Variants in PARN observed in about 807,000 individuals in gnomAD.
The protein encoded by PARN is poly(A)-specific ribonuclease.
A neutral mutation model predicts 102.8 loss-of-function variants in PARN; 71 were observed. The ratio of observed to expected loss-of-function variants is 0.69; its 90% CI spans 0.57 to 0.84. The LOEUF is 0.84. PARN is among the 40% of genes least tolerant of loss of function. The pLI, the probability that PARN is intolerant of heterozygous loss-of-function variation, is 0.00. For synonymous variants in PARN, 261 were observed against 252.9 expected (o/e 1.03, Z -0.30); for missense variants, 782 against 760.9 (o/e 1.03, Z -0.33).
At chr16:14,439,838 A>G (rs1025941180) in intron 23 of PARN, among the ~76,000 whole-genome samples, 1 of 151,794 alleles carries the variant, frequency 6.6e-6, no homozygotes, top group African/African-American at 2.4e-5. Flanking sequence ...ACATGGTAAA[A>G]CCCATCTCTA....
chr16:14,524,808 T>C (rs1270884151), intron 21 of PARN, among the ~76,000 whole-genome samples: 4 of 152,238 alleles, frequency 2.6e-5, no homozygotes, highest in African/African-American at 4.8e-5. Flanking sequence ...TCTATGTGTC[T>C]TTCCTTGTTC....
rs140264000 is a variant in PARN at position 14,611,738 on chromosome 16, G to A, written c.389-929C>T. 7.2e-5 allele frequency among the ~76,000 whole-genome samples: 11 copies of A among 152,212 alleles called. No individual in the cohort carries two copies. The East Asian group carries it at 1.2e-3, about 16-fold the overall frequency. ...GTATTTTCGGTAGAGACAGGGTTTC[G>A]CTATGTTGGCCAGGCTGGTTTCGAA... On this transcript the variant is annotated intron_variant, in intron 6 of 23. Coordinates refer to ENST00000437198, the MANE Select transcript of PARN (RefSeq NM_002582.4).
intron 21 of PARN, among the ~76,000 whole-genome samples, chr16:14,547,594 T>C (rs1261623118): frequency 6.6e-6 from 1 of 151,930 alleles, no homozygotes; most frequent in South Asian, 2.1e-4. Context: ...CCTATAGTCC[T>C]GGCTACTCAA....
chr16:14,559,266 G>C (rs1458643232), intron 18 of PARN, among the ~76,000 whole-genome samples: 2 of 150,826 alleles, frequency 1.3e-5, no homozygotes, highest in African/African-American at 2.4e-5. Flanking sequence ...TTTCCATTTA[G>C]ATGTTTTGAA....
rs539497567 is a variant in PARN, at chr16:14,477,333, C to T, written c.1670+5305G>A. 5.3e-5 allele frequency among the ~76,000 whole-genome samples: 8 copies of T among 151,578 alleles called. No homozygotes were observed. The East Asian group carries it at 1.4e-3, about 26-fold the overall frequency. ...GCACATGCCTATAATCCCAGCTACT[C>T]GGGAGCCTGAGGCAGGAGAATCTCC... On this transcript the variant is annotated intron_variant, in intron 22 of 23. Transcript: ENST00000437198.
chr16:14,620,975 T>C (rs1367197775), intron 5 of PARN, among the ~76,000 whole-genome samples: 5 of 152,214 alleles, frequency 3.3e-5, no homozygotes, highest in African/African-American at 1.2e-4. Context: ...ACCGTATATA[T>C]CTTTAATAAC....
chr16:14,487,762 A>G (rs928656165), intron 21 of PARN, among the ~76,000 whole-genome samples: 5 of 152,188 alleles, frequency 3.3e-5, no homozygotes, highest in African/African-American at 1.2e-4. Flanking sequence ...AGTTGACTAC[A>G]AAGAAGGGGA....
chr16:14,623,945 A>G (rs554868183), intron 5 of PARN, among the ~76,000 whole-genome samples: 1 of 152,296 alleles, frequency 6.6e-6, no homozygotes, highest in South Asian at 2.1e-4. Flanking sequence ...TCAACTACAG[A>G]TCTTCAGCCT....
chr16:14,496,627 A>T (rs1345297826), intron 21 of PARN, among the ~76,000 whole-genome samples: 2 of 152,210 alleles, frequency 1.3e-5, no homozygotes, highest in Admixed American at 1.3e-4. Flanking sequence ...TTAAGGTAAA[A>T]TCAAAGATCT....
intron 21 of PARN, among the ~76,000 whole-genome samples, chr16:14,529,735 G>A (rs1966216234): frequency 1.3e-5 from 2 of 152,084 alleles, no homozygotes. Context: ...GTCCTCTGAT[G>A]GTTCTAACGA....
At chr16:14,467,537 T>C (rs574401856) in intron 22 of PARN, among the ~76,000 whole-genome samples, 37 of 152,240 alleles carry the variant, frequency 2.4e-4, no homozygotes, top group Non-Finnish European at 4.1e-4. Flanking sequence ...CTTTATCAAA[T>C]AGATGACACC....
chr16:14,609,156 ACCT>A, intron 7 of PARN, 33 bp from the exon 8 acceptor site: 1 of 1,039,720 alleles, frequency 9.6e-7, no homozygotes, highest in Non-Finnish European at 1.4e-6. Flanking sequence ...AACCATCAGT[ACCT>A]TTAAGGAATG....
Position 14,584,433 on chromosome 16 carries a change from C to T in PARN, c.1006-11G>A, listed in dbSNP as rs746114163. On this transcript the variant is annotated splice_polypyrimidine_tract_variant and intron_variant, in intron 15 of 23. Transcript: ENST00000437198. ...GTTGTTAATGATATCCTGCAAACCA[C>T]GAAGCAAAGAATTATGAGATTTCAT... 204 of 1,606,484 alleles carry T rather than the reference C, an allele frequency of 1.3e-4. No homozygotes were observed. The highest frequency in any genetic ancestry group is 1.6e-4 in the Middle Eastern group (1 of 6,072).
intron 21 of PARN, among the ~76,000 whole-genome samples, chr16:14,486,523 T>C (rs1963706862): frequency 6.6e-6 from 1 of 152,222 alleles, no homozygotes; most frequent in African/African-American, 2.4e-5. Flanking sequence ...ATAATTCAGC[T>C]CCCAGCTGAT....
intron 2 of PARN, among the ~76,000 whole-genome samples, chr16:14,629,151 TAA>T (rs1302166722): frequency 6.6e-6 from 1 of 152,172 alleles, no homozygotes; most frequent in Non-Finnish European, 1.5e-5. Context: ...GTTTAATGTG[TAA>T]AGAGTTTCAG....
intron 22 of PARN, among the ~76,000 whole-genome samples, chr16:14,475,292 A>G (rs1962978830): frequency 6.6e-6 from 1 of 152,348 alleles, no homozygotes; most frequent in Middle Eastern, 3.4e-3. Context: ...CCTATCTTTC[A>G]GGAAAGTTGC....
chr16:14,436,531 A>C lies in PARN; in HGVS notation c.*186T>G, dbSNP rs537620301. The stretch of plus-strand genomic sequence containing the variant: ...AGTGTCAATGTCAACAGGCAGTTAG[A>C]TTAAAAAGGGGAAAAAACCACAGCC... On this transcript the variant is annotated 3_prime_UTR_variant, in exon 24 of 24. Coordinates refer to ENST00000437198, the MANE Select transcript of PARN (RefSeq NM_002582.4). 1.6e-6 allele frequency: 1 copy of C among 606,632 alleles called. No individual in the cohort carries two copies. The highest frequency in any genetic ancestry group is 2.9e-6 in the Non-Finnish European group (1 of 340,086). The allele number at this position is 606,632 out of a possible 1,614,324, so 37.6% of individuals were successfully genotyped here.
intron 6 of PARN, among the ~76,000 whole-genome samples, chr16:14,613,336 T>C (rs1402514078): frequency 2.1e-5 from 3 of 145,024 alleles, no homozygotes; most frequent in African/African-American, 5.1e-5. Context: ...CAAAACACCA[T>C]GGGAGGCCGG....
At chr16:14,528,121 C>CT (rs1966107712) in intron 21 of PARN, among the ~76,000 whole-genome samples, 1 of 152,244 alleles carries the variant, frequency 6.6e-6, no homozygotes, top group African/African-American at 2.4e-5. Context: ...GCTGCTCAAA[C>CT]TGAGTGTCAG....
Sources: allele counts gnomAD v4.1 joint callset (sites outside exome capture counted in the v4.1 genomes callset), GRCh38; gene constraint gnomAD v4.1.1; transcripts MANE v1.5; gene names NCBI Gene and HGNC (gene_info 2026-07-23, HGNC 2026-07-21).